BABAM2: variants seen among roughly 807,000 people sequenced by gnomAD.
The protein encoded by BABAM2 is BRISC and BRCA1 A complex member 2.
Under a neutral mutation model 54.7 loss-of-function variants are expected in BABAM2, and 31 were observed. The observed-to-expected ratio is 0.57, with a 90% CI of 0.43 to 0.77. The LOEUF is 0.77. Among genes scored for constraint, BABAM2 ranks in the 30% least tolerant of loss-of-function variants. The pLI is 0.00. For missense variants in BABAM2, 364 were observed against 455.8 expected (o/e 0.80, Z 1.83); for synonymous variants, 167 against 162.9 (o/e 1.03, Z -0.19).
intron 10 of BABAM2, among the ~76,000 whole-genome samples, chr2:28,268,718 C>T (rs1418269508): frequency 6.6e-6 from 1 of 152,188 alleles, no homozygotes; most frequent in Non-Finnish European, 1.5e-5. Flanking sequence ...CAAATGCCGG[C>T]CCCCGTTGTT....
intron 4 of BABAM2, among the ~76,000 whole-genome samples, chr2:28,017,859 G>A (rs1475320864): frequency 6.6e-6 from 1 of 152,126 alleles, no homozygotes; most frequent in Non-Finnish European, 1.5e-5. Context: ...TTTTATTGTG[G>A]AATGATATTC....
chr2:28,095,553 C>A (rs1443674633), intron 6 of BABAM2, among the ~76,000 whole-genome samples: 1 of 152,090 alleles, frequency 6.6e-6, no homozygotes, highest in African/African-American at 2.4e-5. Context: ...CATCTCACAC[C>A]TTTACACTCA....
At chr2:28,147,233 T>A (rs1671575787) in intron 7 of BABAM2, among the ~76,000 whole-genome samples, 1 of 152,222 alleles carries the variant, frequency 6.6e-6, no homozygotes, top group Admixed American at 6.5e-5. Flanking sequence ...CTGTTCACAC[T>A]GTGCTGTCCT....
chr2:28,016,322 C>T, intron 4 of BABAM2: 2 of 1,086,942 alleles, frequency 1.8e-6, no homozygotes, highest in South Asian at 2.5e-5. Flanking sequence ...ACTCTTGGAG[C>T]CTTTCTTTTT....
At chr2:28,296,064 G>A (rs1687669097) in intron 10 of BABAM2, among the ~76,000 whole-genome samples, 4 of 152,170 alleles carry the variant, frequency 2.6e-5, no homozygotes, top group Non-Finnish European at 4.4e-5. Flanking sequence ...AGCTGAGATC[G>A]TGCCATTGCA....
chr2:28,307,548 G>A (rs968438824), intron 11 of BABAM2: 4 of 151,680 alleles, frequency 2.6e-5, no homozygotes, highest in African/African-American at 9.7e-5. Flanking sequence ...AAAATACACC[G>A]TTAACTTATC....
At chr2:28,308,342 T>C in intron 11 of BABAM2, 1 of 472,240 alleles carries the variant, frequency 2.1e-6, no homozygotes, top group Non-Finnish European at 4.2e-6. Context: ...AGAAATATGC[T>C]TGGAAGAGCA....
chr2:27,937,311 A>G (rs1668557368), intron 3 of BABAM2, among the ~76,000 whole-genome samples: 3 of 152,232 alleles, frequency 2.0e-5, no homozygotes, highest in African/African-American at 7.2e-5. Flanking sequence ...TTTTGTTTTT[A>G]GAGACAGGAT....
At chr2:27,958,959 G>A (rs996213387) in intron 3 of BABAM2, among the ~76,000 whole-genome samples, 4 of 152,184 alleles carry the variant, frequency 2.6e-5, no homozygotes, top group Non-Finnish European at 5.9e-5. Context: ...ATAACCCAAA[G>A]CCACTTGTAG....
intron 10 of BABAM2, among the ~76,000 whole-genome samples, chr2:28,276,276 G>A (rs1025828109): frequency 7.9e-5 from 12 of 151,654 alleles, no homozygotes; most frequent in African/African-American, 1.7e-4. Flanking sequence ...GCAAGGGGTC[G>A]GTTGGTACTT....
intron 11 of BABAM2, among the ~76,000 whole-genome samples, chr2:28,316,658 G>A (rs1432241383): frequency 1.3e-5 from 2 of 152,118 alleles, no homozygotes; most frequent in Non-Finnish European, 1.5e-5. Context: ...ATACGAGCAC[G>A]TCTCAGGGCA....
intron 7 of BABAM2, among the ~76,000 whole-genome samples, chr2:28,202,962 C>T (rs1486655844): frequency 2.6e-5 from 4 of 152,010 alleles, no homozygotes; most frequent in African/African-American, 4.8e-5. Flanking sequence ...TGTCCTCCAC[C>T]CCCCCACAGA....
rs70956008 is a variant in BABAM2, at chr2:28,258,615, C to CTTTTTTTTTT, written c.934+13760_934+13769dup. Among the ~76,000 whole-genome samples the CTTTTTTTTTT allele has an allele frequency of 1.1e-3, 111 of 100,000 alleles. 6 individuals carry two copies. Among genetic ancestry groups the CTTTTTTTTTT allele is most frequent in the African/African-American group, 1.7e-3 (46 of 26,888 alleles). 65.6% of individuals were successfully genotyped at this position (100,000 alleles called of 152,430 possible). The stretch of plus-strand genomic sequence containing the variant: ...CTTAAGTCTTTTTCTTTTTTCTTTT[C>CTTTTTTTTTT]TTTTTTTTTTTTTTTTGAGACAGGA... On this transcript the variant is annotated intron_variant, in intron 10 of 11. Coordinates refer to ENST00000379624, the MANE Select transcript of BABAM2 (RefSeq NM_199191.3).
At chr2:28,112,147 T>TTCTTTCTTTCTC (rs1558346715) in intron 6 of BABAM2, among the ~76,000 whole-genome samples, 4 of 5,248 alleles carry the variant, frequency 7.6e-4, no homozygotes, top group South Asian at 0.024. Context: ...CTTTCTTTCT[T>TTCTTTCTTTCTC]TACCTCCCTC....
intron 7 of BABAM2, among the ~76,000 whole-genome samples, chr2:28,209,965 T>C (rs1679271543): frequency 6.6e-6 from 1 of 152,186 alleles, no homozygotes; most frequent in African/African-American, 2.4e-5. Context: ...TTAGGTACCT[T>C]ACTCACATAC....
intron 7 of BABAM2, among the ~76,000 whole-genome samples, chr2:28,133,330 G>A (rs549334748): frequency 1.3e-5 from 2 of 152,298 alleles, no homozygotes; most frequent in South Asian, 4.1e-4. Flanking sequence ...AGCTATCCAA[G>A]CATTGATTAT....
At chr2:28,041,608 C>T (rs957113744) in intron 5 of BABAM2, among the ~76,000 whole-genome samples, 1 of 152,174 alleles carries the variant, frequency 6.6e-6, no homozygotes, top group African/African-American at 2.4e-5. Context: ...TTATTTGCTC[C>T]TGTAACCCCG....
chr2:27,969,049 TG>T (rs1284704628), intron 3 of BABAM2, among the ~76,000 whole-genome samples: 1 of 152,104 alleles, frequency 6.6e-6, no homozygotes, highest in African/African-American at 2.4e-5. Context: ...AATTGAATTG[TG>T]GGGGTAGATC....
At chr2:28,310,036 CT>C (rs777147751) in intron 11 of BABAM2, 1 of 1,587,824 alleles carries the variant, frequency 6.3e-7, no homozygotes, top group South Asian at 1.1e-5. Flanking sequence ...TCCTTGAACC[CT>C]TTTGAAAAGT....
Sources: allele counts gnomAD v4.1 joint callset (sites outside exome capture counted in the v4.1 genomes callset), GRCh38; gene constraint gnomAD v4.1.1; transcripts MANE v1.5; gene names NCBI Gene and HGNC (gene_info 2026-07-23, HGNC 2026-07-21).